The following PPM1A variants were observed in gnomAD, a reference collection of about 807,000 sequenced individuals.
PPM1A encodes the protein protein phosphatase 1A.
PPM1A carries 7 observed loss-of-function variants against 35.0 expected under a neutral mutation model. The observed-to-expected ratio is 0.20, with a 90% CI of 0.11 to 0.38. PPM1A has a LOEUF of 0.38. Ranked by LOEUF, PPM1A falls within the 10% of genes least tolerant of loss-of-function variation. The pLI, the probability that PPM1A is intolerant of heterozygous loss-of-function variation, is 1.00. For missense variants in PPM1A, 239 were observed against 467.8 expected, an observed-to-expected ratio of 0.51 and a Z score of 4.51; for synonymous variants, 153 against 167.3, an observed-to-expected ratio of 0.91 and a Z score of 0.66.
chr14:60,289,432 A>G lies in PPM1A; in HGVS notation c.953-374A>G, dbSNP rs931711127. Among the ~76,000 whole-genome samples, 4 of 152,154 alleles carry G rather than the reference A, an allele frequency of 2.6e-5. No homozygotes were observed. Among genetic ancestry groups the G allele is most frequent in the African/African-American group, 4.8e-5 (2 of 41,446 alleles). On this transcript the variant is annotated intron_variant, in intron 3 of 5. Transcript: ENST00000395076. This position sits in a 1 kb window ranked among gnomAD's most constrained non-coding sequence, Gnocchi z 4.1. ...TTTAAAATTCCACGCAGTGTATTAT[A>G]TAGGGCAAAGTTCAGGAAACATGTT...
At chr14:60,246,079 G>C (rs1881768056), upstream of PPM1A, 5 of 1,528,154 alleles carry the variant, frequency 3.3e-6, no homozygotes, top group Non-Finnish European at 4.4e-6. Flanking sequence ...TTGAACCTAT[G>C]TTCTGGTTGG....
chr14:60,247,347 T>A (rs1881845469), upstream of PPM1A, among the ~76,000 whole-genome samples: 1 of 152,080 alleles, frequency 6.6e-6, no homozygotes, highest in Admixed American at 6.5e-5. Flanking sequence ...TAAGGAATTC[T>A]GGCCGGGAAC....
At chr14:60,281,979 A>G (rs568437154) in intron 1 of PPM1A, among the ~76,000 whole-genome samples, 7 of 152,356 alleles carry the variant, frequency 4.6e-5, no homozygotes, top group Admixed American at 3.9e-4. Flanking sequence ...TTGAAATTTG[A>G]GGCTACAACA....
At chr14:60,280,850 A>G (rs1191824716) in intron 1 of PPM1A, among the ~76,000 whole-genome samples, 2 of 152,210 alleles carry the variant, frequency 1.3e-5, no homozygotes, top group Non-Finnish European at 2.9e-5. Flanking sequence ...TTTATTTTTC[A>G]AAAAGTCCAC....
upstream of PPM1A, among the ~76,000 whole-genome samples, chr14:60,246,377 G>A (rs1881785590): frequency 1.3e-5 from 2 of 152,118 alleles, no homozygotes; most frequent in African/African-American, 2.4e-5. Flanking sequence ...CCAATTACTA[G>A]GCTATCAACA....
chr14:60,260,362 T>G (rs1402323499), intron 1 of PPM1A, among the ~76,000 whole-genome samples: 1 of 152,118 alleles, frequency 6.6e-6, no homozygotes, highest in Non-Finnish European at 1.5e-5. Flanking sequence ...GTTGAAATAT[T>G]TGTCAGCTGA....
At chr14:60,261,655 G>A (rs1883758299) in intron 1 of PPM1A, among the ~76,000 whole-genome samples, 1 of 152,168 alleles carries the variant, frequency 6.6e-6, no homozygotes, top group Non-Finnish European at 1.5e-5. Context: ...GTCCAAGTAG[G>A]AGGGGAAGAA....
chr14:60,278,996 T>C (rs1398615256), intron 1 of PPM1A, among the ~76,000 whole-genome samples: 1 of 152,218 alleles, frequency 6.6e-6, no homozygotes, highest in Admixed American at 6.5e-5. Context: ...TTCAGACTTT[T>C]TGTTGTGACC....
chr14:60,252,560 A>AAAAGTTGTGTCT (rs1225171326), intron 1 of PPM1A, among the ~76,000 whole-genome samples: 4 of 152,198 alleles, frequency 2.6e-5, no homozygotes, highest in Non-Finnish European at 4.4e-5. Context: ...GCAACTGGGT[A>AAAAGTTGTGTCT]AAAGTTGTGT....
At chr14:60,286,210 T>C (rs1886988348) in intron 3 of PPM1A, 3 of 986,026 alleles carry the variant, frequency 3.0e-6, no homozygotes, top group African/African-American at 1.7e-5. Flanking sequence ...CAACTTTATA[T>C]ACACAGCTTT....
chr14:60,258,384 TTGAA>T lies in PPM1A; in HGVS notation c.-21+8715_-21+8718del, dbSNP rs567371109. ...GAAAAAGTTCATCCATCCATGAATG[TTGAA>T]TGAATGAGCAGATTAATAAATAAAT... On this transcript the variant is annotated intron_variant, in intron 1 of 5. Transcript: ENST00000395076. Among the ~76,000 whole-genome samples, 101 of 152,232 alleles carry T rather than the reference TTGAA, an allele frequency of 6.6e-4. 1 individual carries two copies. The East Asian group carries it at 0.017, about 26-fold the overall frequency.
Position 60,283,331 on chromosome 14 carries a change from C to G in PPM1A, c.628C>G (p.Pro210Ala), listed in dbSNP as rs1460880010. ...TTACAAATGTGTCCATGGAAAAGGT[C>G]CTACTGAGCAGCTTGTCTCACCAGA... ...FDYKCVHGKG[P>A]TEQLVSPEPE... The change falls in exon 2 of 6, where the codon CCT (proline) becomes GCT (alanine). Residue 210 changes from proline (P) to alanine (A), a missense_variant. Physicochemically the swap from Pro to Ala is conservative, Grantham distance 27. Transcript: ENST00000395076. The surrounding 1 kb of genome is among the most constrained non-coding windows in gnomAD (Gnocchi z 6.3). 1 of 1,614,004 alleles carries G rather than the reference C, an allele frequency of 6.2e-7. No homozygotes were observed. The highest frequency in any genetic ancestry group is 8.5e-7 in the Non-Finnish European group (1 of 1,180,036).
At chr14:60,248,785 G>C (rs1032359593), upstream of PPM1A, 2 of 152,724 alleles carry the variant, frequency 1.3e-5, no homozygotes, top group Non-Finnish European at 2.9e-5. Context: ...AGGGCTCCGG[G>C]CGCGGACGCC....
chr14:60,255,440 G>A (rs1002145482), intron 1 of PPM1A, among the ~76,000 whole-genome samples: 5 of 151,954 alleles, frequency 3.3e-5, no homozygotes, highest in African/African-American at 1.2e-4. Context: ...CAAAGTGCTG[G>A]GATTACAGGC....
intron 3 of PPM1A, chr14:60,287,692 C>T: frequency 1.0e-6 from 1 of 985,292 alleles, no homozygotes; most frequent in Non-Finnish European, 1.2e-6. Flanking sequence ...TTCCAGCTCT[C>T]CTTTTCTCTT....
intron 1 of PPM1A, chr14:60,268,533 T>C (rs1884669185): frequency 2.8e-6 from 1 of 360,048 alleles, no homozygotes; most frequent in Non-Finnish European, 3.9e-6. Flanking sequence ...TAACATGTAC[T>C]ATAATTTTAC....
chr14:60,266,835 C>T (rs1476546837), intron 1 of PPM1A, among the ~76,000 whole-genome samples: 2 of 151,978 alleles, frequency 1.3e-5, no homozygotes, highest in Non-Finnish European at 2.9e-5. Context: ...CAAAAAGGTC[C>T]AGTTGTGATT....
chr14:60,264,596 G>A (rs1394856676), intron 1 of PPM1A, among the ~76,000 whole-genome samples: 1 of 152,056 alleles, frequency 6.6e-6, no homozygotes. Flanking sequence ...GCTCCTCTTT[G>A]AAATACATTG....
In PPM1A at chr14:60,298,333, TC is replaced by T. The variant is rs1454561539; in HGVS notation, c.*5852del. Reference sequence around the variant, plus strand: ...TCTAGTATTAGGATTCATTAAATGTTCAATTCATTTCATATTCTAAGGAATT... The same window carrying T: ...TCTAGTATTAGGATTCATTAAATGTTAATTCATTTCATATTCTAAGGAATT... On this transcript the variant is annotated 3_prime_UTR_variant, in exon 6 of 6. Transcript: ENST00000395076. The T allele has an allele frequency of 6.6e-6, 1 of 151,780 alleles. No homozygotes were observed. The highest frequency in any genetic ancestry group is 1.5e-5 in the Non-Finnish European group (1 of 67,738). The allele number at this position is 151,780 out of a possible 1,614,324, so 9.4% of individuals were successfully genotyped here.
Sources: gnomAD v4.1 joint callset for allele counts (sites outside exome capture counted in the v4.1 genomes callset) on GRCh38, gnomAD v4.1.1 for gene constraint, Gnocchi (gnomAD v3.1) non-coding constraint, MANE v1.5 for transcripts, NCBI Gene and HGNC (gene_info 2026-07-23, HGNC 2026-07-21) for gene names.